The following EIPR1 variants were observed in gnomAD, a reference collection of about 807,000 sequenced individuals.
EIPR1 encodes EARP and GARP complex-interacting protein 1.
EIPR1 carries 25 observed loss-of-function variants against 48.1 expected under a neutral mutation model. The observed-to-expected ratio is 0.52, with a 90% CI of 0.38 to 0.73. The LOEUF (loss-of-function observed/expected upper bound fraction) is 0.73, where lower values mean the gene tolerates loss of function less well. EIPR1 is among the 30% of genes least tolerant of loss of function. The pLI, the probability that EIPR1 is intolerant of heterozygous loss-of-function variation, is 0.00. For synonymous variants in EIPR1, 204 were observed against 201.9 expected (o/e 1.01, Z -0.09); for missense variants, 415 against 506.2 (o/e 0.82, Z 1.73).
intron 1 of EIPR1, among the ~76,000 whole-genome samples, chr2:3,357,637 C>T (rs1670760632): frequency 6.6e-6 from 1 of 152,232 alleles, no homozygotes; most frequent in African/African-American, 2.4e-5. Flanking sequence ...TTCTGCACCT[C>T]ACTTCCCATT....
chr2:3,305,158 TCCCGTCC>T, intron 3 of EIPR1, among the ~76,000 whole-genome samples: 8 of 126,888 alleles, frequency 6.3e-5, no homozygotes, highest in Non-Finnish European at 3.3e-5. Context: ...AGCCCTCCAC[TCCCGTCC>T]AGTTCAACCC....
intron 2 of EIPR1, among the ~76,000 whole-genome samples, chr2:3,344,950 T>C (rs1380655206): frequency 6.6e-6 from 1 of 152,274 alleles, no homozygotes; most frequent in African/African-American, 2.4e-5. Flanking sequence ...CCTAAACATA[T>C]TAATACTTCT....
At chr2:3,195,558 T>C (rs1236932244) in intron 6 of EIPR1, among the ~76,000 whole-genome samples, 1 of 152,208 alleles carries the variant, frequency 6.6e-6, no homozygotes, top group Non-Finnish European at 1.5e-5. Context: ...TAAAATATAA[T>C]ACCTAAACTT....
At chr2:3,203,361 C>T (rs542961972) in intron 5 of EIPR1, among the ~76,000 whole-genome samples, 94 of 152,352 alleles carry the variant, frequency 6.2e-4, no homozygotes, top group African/African-American at 2.1e-3. Context: ...CAGTGAAACA[C>T]AGGAGTGAGC....
intron 3 of EIPR1, among the ~76,000 whole-genome samples, chr2:3,323,392 C>T (rs1173570972): frequency 6.6e-6 from 1 of 152,228 alleles, no homozygotes; most frequent in Non-Finnish European, 1.5e-5. Flanking sequence ...AAATCTGACA[C>T]CATGAGGACA....
chr2:3,224,331 C>T (rs1169791056), intron 4 of EIPR1, among the ~76,000 whole-genome samples: 2 of 152,222 alleles, frequency 1.3e-5, no homozygotes, highest in African/African-American at 4.8e-5. Context: ...GAGCAACCGG[C>T]ACTTACGCAG....
At chr2:3,287,924 G>A (rs1374299659) in intron 3 of EIPR1, among the ~76,000 whole-genome samples, 1 of 152,114 alleles carries the variant, frequency 6.6e-6, no homozygotes, top group East Asian at 1.9e-4. Flanking sequence ...GGCGGTGGAG[G>A]GGCCAAGGTC....
At chr2:3,294,868 A>G (rs1257134940) in intron 3 of EIPR1, among the ~76,000 whole-genome samples, 1 of 83,636 alleles carries the variant, frequency 1.2e-5, no homozygotes, top group Non-Finnish European at 2.4e-5. Flanking sequence ...CATCCAGCCA[A>G]CCTCTCTCTA....
intron 4 of EIPR1, among the ~76,000 whole-genome samples, chr2:3,223,337 G>C (rs11127389): frequency 6.6e-6 from 1 of 151,928 alleles, no homozygotes; most frequent in Non-Finnish European, 1.5e-5. Flanking sequence ...CGGCACCCGG[G>C]TTCCTGGCCA....
chr2:3,304,818 G>A (rs375619878), intron 3 of EIPR1, among the ~76,000 whole-genome samples: 4,007 of 139,182 alleles, frequency 0.029, 94 homozygotes, highest in South Asian at 0.049. Context: ...CTCCACTCCC[G>A]TCCAGTTCAG....
chr2:3,304,331 A>C (rs1052001140), intron 3 of EIPR1, among the ~76,000 whole-genome samples: 2 of 152,196 alleles, frequency 1.3e-5, no homozygotes, highest in African/African-American at 4.8e-5. Flanking sequence ...CCTCATCAGA[A>C]GACATGGTTC....
intron 1 of EIPR1, among the ~76,000 whole-genome samples, chr2:3,371,268 A>G (rs888358479): frequency 1.6e-4 from 24 of 152,254 alleles, no homozygotes; most frequent in African/African-American, 5.8e-4. Flanking sequence ...TAACCGTACC[A>G]GCCGCTGCAA....
intron 4 of EIPR1, among the ~76,000 whole-genome samples, chr2:3,216,924 T>C (rs1176517106): frequency 1.3e-5 from 2 of 152,198 alleles, no homozygotes; most frequent in South Asian, 2.1e-4. Context: ...TGAGGAAATG[T>C]TTTAAAGGCC....
intron 4 of EIPR1, among the ~76,000 whole-genome samples, chr2:3,232,220 A>C (rs530209787): frequency 6.6e-6 from 1 of 152,304 alleles, no homozygotes; most frequent in African/African-American, 2.4e-5. Flanking sequence ...TAGCCTCACT[A>C]AAGGCTTGTC....
chr2:3,268,200 A>G (rs541020141), intron 3 of EIPR1, among the ~76,000 whole-genome samples: 1 of 152,092 alleles, frequency 6.6e-6, no homozygotes, highest in Non-Finnish European at 1.5e-5. Context: ...TCCTGCCCAC[A>G]CCAGCTCCGG....
Position 3,350,344 on chromosome 2 carries a change from C to T in EIPR1, c.126+4206G>A, listed in dbSNP as rs945749270. Reference sequence around the variant, plus strand: ...TGCCACACCCTTTCAAACAATCAGACCTGTGATAACTCACTCACTGTCACG... The same window carrying T: ...TGCCACACCCTTTCAAACAATCAGATCTGTGATAACTCACTCACTGTCACG... On this transcript the variant is annotated intron_variant, in intron 2 of 8. Transcript: ENST00000382125. Among the ~76,000 whole-genome samples, 7 of 151,996 alleles carry T rather than the reference C, an allele frequency of 4.6e-5. No individual in the cohort carries two copies. The South Asian group carries it at 1.5e-3, about 32-fold the overall frequency.
At chr2:3,208,683 A>C in intron 5 of EIPR1, 5 of 1,550,426 alleles carry the variant, frequency 3.2e-6, no homozygotes, top group Non-Finnish European at 4.4e-6. Flanking sequence ...ACTCAACCCC[A>C]ATTCCCCCAG....
rs1666735056 is a variant in EIPR1, at chr2:3,244,488, G to A, written c.416+12811C>T. Among the ~76,000 whole-genome samples, 6 of 152,268 alleles carry A rather than the reference G, an allele frequency of 3.9e-5. No individual in the cohort carries two copies. In the South Asian group the frequency reaches 1.2e-3, roughly 32 times the overall value. ...CCACCCCGTCAAGAATTCACATGTG[G>A]AAATTCTAATCCCCAAAGTGAAAGT... is the stretch of plus-strand genomic sequence containing the variant. On this transcript the variant is annotated intron_variant, in intron 4 of 8. Coordinates refer to ENST00000382125, the MANE Select transcript of EIPR1 (RefSeq NM_003310.5).
intron 4 of EIPR1, among the ~76,000 whole-genome samples, chr2:3,236,503 C>T (rs902174822): frequency 4.5e-4 from 68 of 152,144 alleles, no homozygotes; most frequent in African/African-American, 1.6e-3. Context: ...GAAAACCACA[C>T]CTGAGAAAGG....
Sources: gnomAD v4.1 joint callset for allele counts (sites outside exome capture counted in the v4.1 genomes callset) on GRCh38, gnomAD v4.1.1 for gene constraint, MANE v1.5 for transcripts, NCBI Gene and HGNC (gene_info 2026-07-23, HGNC 2026-07-21) for gene names.